SERPINA11: variants seen among roughly 807,000 people sequenced by gnomAD.
The protein encoded by SERPINA11 is serpin A11.
In SERPINA11, 28 loss-of-function variants were observed where a neutral mutation model predicts 29.4. The ratio of observed to expected loss-of-function variants is 0.95; its 90% CI spans 0.70 to 1.30. SERPINA11 has a LOEUF of 1.30. Among genes scored for constraint, SERPINA11 ranks in the 50% most tolerant of loss-of-function variants. The probability of loss-of-function intolerance (pLI) is 0.00; values close to 1 mark genes in which losing one functional copy is unlikely to be tolerated. For synonymous variants in SERPINA11, 253 were observed against 206.6 expected (o/e 1.22, Z -1.92); for missense variants, 530 against 507.3 (o/e 1.04, Z -0.43).
chr14:94,447,892 T>G (rs1335321215), intron 2 of SERPINA11, among the ~76,000 whole-genome samples: 1 of 152,222 alleles, frequency 6.6e-6, no homozygotes, highest in Non-Finnish European at 1.5e-5. Context: ...TGGATGGGTG[T>G]CTCTTTTGGG....
Position 94,446,722 on chromosome 14 carries a change from AT to A in SERPINA11, c.644-119del, listed in dbSNP as rs1736736676. The A allele has an allele frequency of 1.7e-5, 17 of 1,006,704 alleles. No homozygotes were observed. The South Asian group carries it at 2.5e-4, about 15-fold the overall frequency. The allele number at this position is 1,006,704 out of a possible 1,614,324, so 62.4% of individuals were successfully genotyped here. A position where few individuals can be genotyped will look rare whatever the true frequency, so the allele number is the denominator to read the frequency against. Reference sequence around the variant, plus strand: ...GCAAGTATGTGGCAAAAAATGTGGAATGGTTACAGAGCCAGGAGACCAGAAT... The same window carrying A: ...GCAAGTATGTGGCAAAAAATGTGGAAGGTTACAGAGCCAGGAGACCAGAAT... On this transcript the variant is annotated intron_variant, in intron 2 of 4. Transcript: ENST00000334708.
At chr14:94,447,176 A>G (rs1166865130) in intron 2 of SERPINA11, among the ~76,000 whole-genome samples, 3 of 152,244 alleles carry the variant, frequency 2.0e-5, no homozygotes, top group Non-Finnish European at 4.4e-5. Context: ...TTCAATTAAT[A>G]AAATGTCATG....
At chr14:94,449,469 C>CTT (rs1217788060) in intron 1 of SERPINA11, among the ~76,000 whole-genome samples, 1 of 113,330 alleles carries the variant, frequency 8.8e-6, no homozygotes, top group African/African-American at 5.0e-5. Context: ...TTCTTTCTTT[C>CTT]TTTCTTTCTT....
chr14:94,445,828 T>A (rs1898425481), intron 3 of SERPINA11, among the ~76,000 whole-genome samples: 1 of 152,186 alleles, frequency 6.6e-6, no homozygotes, highest in Non-Finnish European at 1.5e-5. Flanking sequence ...CCTCTCACCT[T>A]GGCCTCCCAA....
In SERPINA11 at chr14:94,448,754, C is replaced by A. The variant is rs1295922523; in HGVS notation, c.21G>T (p.Trp7Cys). Residue 7 changes from tryptophan to cysteine, a missense_variant, in exon 2 of 5, where the codon TGG becomes TGT. By Grantham distance (215) the Trp-to-Cys change is radical. Transcript: ENST00000334708. MGPAWL[W>C]LLGTGILASV... ...AGGCCAGGATCCCTGTTCCCAGTAG[C>A]CAAAGCCAAGCTGGACCCATTCTCT... The A allele has an allele frequency of 1.3e-6, 2 of 1,511,832 alleles. No homozygotes were observed. Among genetic ancestry groups the A allele is most frequent in the East Asian group, 4.6e-5 (2 of 43,932 alleles). 93.7% of individuals were successfully genotyped at this position (1,511,832 alleles called of 1,614,324 possible).
At chr14:94,449,435 TTCTTTCTTTC>T (rs1172531203) in intron 1 of SERPINA11, among the ~76,000 whole-genome samples, 1 of 104,312 alleles carries the variant, frequency 9.6e-6, no homozygotes, top group Non-Finnish European at 1.8e-5. Flanking sequence ...CTTTCTTTCT[TTCTTTCTTTC>T]TTTCTTTCTT....
In SERPINA11 at chr14:94,448,152, G is replaced by T. The variant is rs143070250; in HGVS notation, c.623C>A (p.Ala208Asp). Residue 208 changes from alanine to aspartate, a missense_variant, in exon 2 of 5, where the codon GCC (alanine) becomes GAC (aspartate). Ala to Asp is a moderately radical substitution (Grantham distance 126). Coordinates refer to ENST00000334708, the MANE Select transcript of SERPINA11 (RefSeq NM_001080451.2). Reference protein sequence around the residue: ...EFSQDTFMVLANYIFFKAKWK... With the variant: ...EFSQDTFMVLDNYIFFKAKWK... ...CTCACCTTTGAAGAAGATGTAATTG[G>T]CAAGAACCATGAACGTGTCCTGGCT... The T allele has an allele frequency of 6.2e-7, 1 of 1,613,848 alleles. No homozygotes were observed. Among genetic ancestry groups the T allele is most frequent in the Non-Finnish European group, 8.5e-7 (1 of 1,179,768 alleles).
intron 3 of SERPINA11, among the ~76,000 whole-genome samples, chr14:94,445,984 A>C (rs551241354): frequency 5.3e-5 from 8 of 152,260 alleles, no homozygotes; most frequent in African/African-American, 1.9e-4. Flanking sequence ...GGAGAGAGGA[A>C]AGCAAGAGGA....
chr14:94,444,026 G>T (rs10139932), intron 3 of SERPINA11, among the ~76,000 whole-genome samples: 60,433 of 152,102 alleles, frequency 0.4, 13,061 homozygotes, highest in African/African-American at 0.57. Flanking sequence ...ATCGAATTCA[G>T]GTTAGAGAAT....
At position 94,449,489 on chromosome 14, in the gene SERPINA11, C is replaced by CTTTCT. The variant is rs1443574592; in HGVS notation, c.-3-713_-3-712insAGAAA. Among the ~76,000 whole-genome samples, 20 of 93,088 alleles carry CTTTCT rather than the reference C, an allele frequency of 2.1e-4. 1 individual carries two copies. Among genetic ancestry groups the CTTTCT allele is most frequent in the African/African-American group, 1.1e-3 (20 of 18,386 alleles). 61.1% of individuals were successfully genotyped at this position (93,088 alleles called of 152,430 possible). Reference sequence around the variant, plus strand: ...TCTTTCTTTCTTTCTTTCTGTCTGTCTGTCTTTCTTTCTCTTTCTTTTTCT... The same window carrying CTTTCT: ...TCTTTCTTTCTTTCTTTCTGTCTGTCTTTCTTGTCTTTCTTTCTCTTTCTTTTTCT... On this transcript the variant is annotated intron_variant, in intron 1 of 4. Transcript: ENST00000334708.
chr14:94,444,147 C>A (rs915147375), intron 3 of SERPINA11, among the ~76,000 whole-genome samples: 3 of 152,134 alleles, frequency 2.0e-5, no homozygotes, highest in Non-Finnish European at 2.9e-5. Context: ...GGGTGGGAAG[C>A]AAGACCCGCG....
At position 94,448,362 on chromosome 14, in the gene SERPINA11, C is replaced by T; in HGVS notation, c.413G>A (p.Gly138Glu). The change falls in exon 2 of 5, where the codon GGA becomes GAA. Residue 138 changes from glycine (G) to glutamate (E), a missense_variant. Coordinates refer to ENST00000334708, the MANE Select transcript of SERPINA11 (RefSeq NM_001080451.2). ...TCGCTTGTCTAGGAACAGGGAGTTT[C>T]CTACTTTTAGTTCGAGTTTGGGGCT... Reference protein sequence around the residue: ...LPSPKLELKVGNSLFLDKRLK... With the variant: ...LPSPKLELKVENSLFLDKRLK... The T allele has an allele frequency of 1.2e-6, 2 of 1,614,192 alleles. No homozygotes were observed. Among genetic ancestry groups the T allele is most frequent in the Non-Finnish European group, 1.7e-6 (2 of 1,180,038 alleles).
intron 2 of SERPINA11, among the ~76,000 whole-genome samples, chr14:94,446,999 G>A (rs1220916598): frequency 6.6e-6 from 1 of 152,184 alleles, no homozygotes; most frequent in African/African-American, 2.4e-5. Context: ...CTAATTTGCA[G>A]AGCTGGGATG....
chr14:94,452,646 CACAG>C (rs1179184894), intron 1 of SERPINA11, 79 bp downstream of exon 1: 4 of 136,710 alleles, frequency 2.9e-5, no homozygotes, highest in African/African-American at 8.3e-5. Flanking sequence ...CACACACACA[CACAG>C]AGACAGAGAG....
At chr14:94,450,911 C>A (rs923771349) in intron 1 of SERPINA11, among the ~76,000 whole-genome samples, 4 of 152,128 alleles carry the variant, frequency 2.6e-5, no homozygotes, top group African/African-American at 9.7e-5. Flanking sequence ...CAGGTTCTTG[C>A]AGAAGACTCA....
Position 94,448,548 on chromosome 14 carries a change from G to A in SERPINA11, c.227C>T (p.Ser76Leu), listed in dbSNP as rs142259084. The change falls in exon 2 of 5, where the codon TCG becomes TTG. Residue 76 changes from serine (S) to leucine (L), a missense_variant. Coordinates refer to ENST00000334708, the MANE Select transcript of SERPINA11 (RefSeq NM_001080451.2). ...AADAPGNIFF[S>L]PVSISTTLAL... ...CAGGGTGGTGGAGATGCTCACTGGC[G>A]AGAAGAAGATGTTTCCGGGGGCGTC... The A allele has an allele frequency of 1.5e-5, 24 of 1,614,094 alleles. No homozygotes were observed. Among genetic ancestry groups the A allele is most frequent in the African/African-American group, 9.3e-5 (7 of 74,930 alleles).
rs140306825 is a variant in SERPINA11 at position 94,450,375 on chromosome 14, G to A, written c.-3-1598C>T. Among the ~76,000 whole-genome samples, 1,322 of 152,292 alleles carry A rather than the reference G, an allele frequency of 8.7e-3. 9 individuals are homozygous for A. Among genetic ancestry groups the A allele is most frequent in the South Asian group, 0.016 (79 of 4,822 alleles). The stretch of plus-strand genomic sequence containing the variant: ...AATATGACTGATGTCCTTACAAGAA[G>A]GAGCAATTTGGACACAGACAACACA... On this transcript the variant is annotated intron_variant, in intron 1 of 4. Coordinates refer to ENST00000334708, the MANE Select transcript of SERPINA11 (RefSeq NM_001080451.2).
Position 94,443,078 on chromosome 14 carries a change from C to G in SERPINA11, c.1065G>C (p.Lys355Asn). The G allele has an allele frequency of 6.2e-7, 1 of 1,610,210 alleles. No homozygotes were observed. The highest frequency in any genetic ancestry group is 8.5e-7 in the Non-Finnish European group (1 of 1,178,496). ...VTGQLNKTIS[K>N]VSHKAMVDMS... ...CAAACATCCATGTTCACCACTTTACCTTGGAGATGGTTTTGTTGAGCTGCC... is the reference window on the plus strand; with the variant it reads ...CAAACATCCATGTTCACCACTTTACGTTGGAGATGGTTTTGTTGAGCTGCC... The change falls in exon 4 of 5, where the codon AAG becomes AAC. Residue 355 changes from lysine (K) to asparagine (N), a missense_variant and splice_region_variant. Physicochemically the swap from Lys to Asn is moderately conservative, Grantham distance 94 (BLOSUM62 0). Coordinates refer to ENST00000334708, the MANE Select transcript of SERPINA11 (RefSeq NM_001080451.2).
intron 3 of SERPINA11, 40 bp downstream of exon 3, chr14:94,446,291 T>G: frequency 1.3e-6 from 2 of 1,581,458 alleles, no homozygotes; most frequent in Non-Finnish European, 1.7e-6. Flanking sequence ...CTGGGGTTCT[T>G]GAGCAAGGTC....
Sources: allele counts gnomAD v4.1 joint callset (sites outside exome capture counted in the v4.1 genomes callset), GRCh38; gene constraint gnomAD v4.1.1; transcripts MANE v1.5; gene names NCBI Gene and HGNC (gene_info 2026-07-23, HGNC 2026-07-21).